SEMA5A: variants seen among roughly 807,000 people sequenced by gnomAD.
SEMA5A encodes the protein semaphorin 5A.
In SEMA5A, 55 loss-of-function variants were observed where a neutral mutation model predicts 135.5. The observed-to-expected ratio is 0.41, with a 90% CI of 0.33 to 0.51. The LOEUF is 0.51. Among genes scored for constraint, SEMA5A ranks in the 20% least tolerant of loss-of-function variants. The probability of loss-of-function intolerance (pLI) is 0.37; values close to 1 mark genes in which losing one functional copy is unlikely to be tolerated. For missense variants in SEMA5A, 1,290 were observed against 1,419.9 expected, an observed-to-expected ratio of 0.91 and a Z score of 1.47; for synonymous variants, 580 against 546.5, an observed-to-expected ratio of 1.06 and a Z score of -0.85.
chr5:9,486,407 G>A (rs569643477), intron 1 of SEMA5A, among the ~76,000 whole-genome samples: 26 of 152,262 alleles, frequency 1.7e-4, no homozygotes, highest in East Asian at 3.9e-4. Context: ...GAACCTGCAC[G>A]TTCTGCACAT....
intron 14 of SEMA5A, 132 bp from the exon 15 acceptor site, chr5:9,119,273 G>T: frequency 9.3e-7 from 1 of 1,076,528 alleles, no homozygotes; most frequent in Non-Finnish European, 1.4e-6. Flanking sequence ...GAAAACACCA[G>T]CCAGGGGACT....
chr5:9,332,180 T>C (rs897523482), intron 4 of SEMA5A, among the ~76,000 whole-genome samples: 13 of 151,470 alleles, frequency 8.6e-5, no homozygotes, highest in African/African-American at 2.9e-4. Flanking sequence ...GCTTACATCA[T>C]GTCAGATGTG....
chr5:9,301,616 T>C lies in SEMA5A; in HGVS notation c.270+16756A>G, dbSNP rs146172136. Among the ~76,000 whole-genome samples the C allele has an allele frequency of 2.0e-5, 3 of 152,226 alleles. No homozygotes were observed. In the East Asian group the frequency reaches 5.8e-4, roughly 29 times the overall value. On this transcript the variant is annotated intron_variant, in intron 5 of 22. Coordinates refer to ENST00000382496, the MANE Select transcript of SEMA5A (RefSeq NM_003966.3). Reference sequence around the variant, plus strand: ...AGTAGCCTGCACTTGACGTCACTCTTTGAGCTCATGATTGCAAAGAAGAAA... The same window carrying C: ...AGTAGCCTGCACTTGACGTCACTCTCTGAGCTCATGATTGCAAAGAAGAAA...
chr5:9,351,526 C>T (rs1002327590), intron 3 of SEMA5A, among the ~76,000 whole-genome samples: 1 of 151,898 alleles, frequency 6.6e-6, no homozygotes, highest in African/African-American at 2.4e-5. Context: ...TTACTTTGTA[C>T]TGTCTCACAG....
intron 5 of SEMA5A, among the ~76,000 whole-genome samples, chr5:9,249,693 C>T (rs565182876): frequency 1.3e-5 from 2 of 152,190 alleles, no homozygotes; most frequent in African/African-American, 2.4e-5. Context: ...TGATCTTGGG[C>T]GTCTTGAAGG....
intron 8 of SEMA5A, among the ~76,000 whole-genome samples, chr5:9,222,443 G>A (rs1256783474): frequency 6.6e-6 from 1 of 152,168 alleles, no homozygotes; most frequent in Non-Finnish European, 1.5e-5. Flanking sequence ...TCTATCCTAG[G>A]AGAGAGGGTC....
At chr5:9,050,576 G>T (rs185532272) in intron 20 of SEMA5A, 119 bp from the exon 21 acceptor site, 26 of 856,918 alleles carry the variant, frequency 3.0e-5, no homozygotes, top group Admixed American at 1.5e-4. Context: ...AGTTTCAAAA[G>T]CTTGATTAAT....
intron 3 of SEMA5A, chr5:9,367,313 C>T (rs931516716): frequency 6.6e-6 from 1 of 152,146 alleles, no homozygotes; most frequent in Non-Finnish European, 1.5e-5. Context: ...GCTTTATAGC[C>T]ATGAGTTCTC....
chr5:9,125,411 T>C (rs1741052833), intron 13 of SEMA5A, among the ~76,000 whole-genome samples: 1 of 152,230 alleles, frequency 6.6e-6, no homozygotes, highest in South Asian at 2.1e-4. Flanking sequence ...TGTGCCATGG[T>C]GGTTTGCTGC....
At chr5:9,130,668 C>T (rs1479647) in intron 13 of SEMA5A, among the ~76,000 whole-genome samples, 144,569 of 152,300 alleles carry the variant, frequency 0.95, 69,001 homozygotes, top group East Asian at 1. Context: ...ACTGAGCACA[C>T]GTTCCAGACA....
chr5:9,055,974 C>T (rs1252514220), intron 18 of SEMA5A, among the ~76,000 whole-genome samples: 1 of 152,022 alleles, frequency 6.6e-6, no homozygotes, highest in Non-Finnish European at 1.5e-5. Flanking sequence ...TGGAGCTTGG[C>T]ATCAGTGAGT....
At chr5:9,329,191 A>T (rs1753006442) in intron 4 of SEMA5A, among the ~76,000 whole-genome samples, 1 of 149,208 alleles carries the variant, frequency 6.7e-6, no homozygotes, top group South Asian at 2.2e-4. Flanking sequence ...AGGACCCTTT[A>T]CTCAGGCTTC....
Position 9,292,807 on chromosome 5 carries a change from C to T in SEMA5A, c.270+25565G>A, listed in dbSNP as rs1020316869. On this transcript the variant is annotated intron_variant, in intron 5 of 22. Transcript: ENST00000382496. ...GTGCGATTTTGCACCCCAGGGAACA[C>T]GTGGAAGTGTCTAGAGACAGCTTTG... is the stretch of plus-strand genomic sequence containing the variant. 4.4e-4 allele frequency among the ~76,000 whole-genome samples: 67 copies of T among 152,150 alleles called. 4 individuals are homozygous for T. Among genetic ancestry groups the T allele is most frequent in the African/African-American group, 3.1e-4 (13 of 41,428 alleles).
chr5:9,430,390 G>A (rs1423216545), intron 2 of SEMA5A, among the ~76,000 whole-genome samples: 2 of 152,208 alleles, frequency 1.3e-5, no homozygotes, highest in Non-Finnish European at 2.9e-5. Context: ...GCTGAAGATA[G>A]ACATGTGGGA....
At chr5:9,446,455 T>C (rs1758437902) in intron 1 of SEMA5A, among the ~76,000 whole-genome samples, 1 of 152,150 alleles carries the variant, frequency 6.6e-6, no homozygotes, top group South Asian at 2.1e-4. Flanking sequence ...GAATACTTTC[T>C]TATTTTGGCC....
chr5:9,220,095 A>T (rs185202403), intron 8 of SEMA5A, among the ~76,000 whole-genome samples: 3 of 152,352 alleles, frequency 2.0e-5, no homozygotes, highest in African/African-American at 7.2e-5. Flanking sequence ...CAAGGGGAGT[A>T]ATTCAAGAAT....
At chr5:9,138,273 T>C (rs1741869916) in intron 12 of SEMA5A, among the ~76,000 whole-genome samples, 1 of 152,206 alleles carries the variant, frequency 6.6e-6, no homozygotes, top group Admixed American at 6.5e-5. Context: ...AGTAGTAGTT[T>C]ATACTGTTTA....
intron 1 of SEMA5A, among the ~76,000 whole-genome samples, chr5:9,462,371 G>C (rs922387781): frequency 1.3e-5 from 2 of 152,186 alleles, no homozygotes; most frequent in African/African-American, 4.8e-5. Context: ...AGACACTGTT[G>C]GTGGGAGTGT....
At chr5:9,354,225 G>T (rs1754344490) in intron 3 of SEMA5A, among the ~76,000 whole-genome samples, 1 of 152,106 alleles carries the variant, frequency 6.6e-6, no homozygotes. Context: ...AACCTGCCAA[G>T]ACCCATAAGC....
Sources: gnomAD v4.1 joint callset for allele counts (sites outside exome capture counted in the v4.1 genomes callset) on GRCh38, gnomAD v4.1.1 for gene constraint, MANE v1.5 for transcripts, NCBI Gene and HGNC (gene_info 2026-07-23, HGNC 2026-07-21) for gene names.